Variants in CAMK4 observed in about 807,000 individuals in gnomAD.
The protein encoded by CAMK4 is calcium/calmodulin dependent protein kinase IV, also known as calcium/calmodulin-dependent protein kinase type IV.
A neutral mutation model predicts 44.9 loss-of-function variants in CAMK4; 22 were observed. The ratio of observed to expected loss-of-function variants is 0.49; its 90% confidence interval spans 0.35 to 0.70. CAMK4 has a LOEUF of 0.70. Ranked by LOEUF, CAMK4 falls within the 30% of genes least tolerant of loss-of-function variation. The probability of loss-of-function intolerance (pLI) is 0.01; values close to 1 mark genes in which losing one functional copy is unlikely to be tolerated. For missense variants in CAMK4, 498 were observed against 586.8 expected, an observed-to-expected ratio of 0.85 and a Z score of 1.56; for synonymous variants, 218 against 215.4, an observed-to-expected ratio of 1.01 and a Z score of -0.11.
intron 4 of CAMK4, among the ~76,000 whole-genome samples, chr5:111,384,714 C>G (rs892430734): frequency 7.9e-5 from 12 of 152,180 alleles, no homozygotes; most frequent in African/African-American, 2.9e-4. Flanking sequence ...GTTCCCTTTT[C>G]CCTTTCCCAG....
intron 7 of CAMK4, among the ~76,000 whole-genome samples, chr5:111,464,985 C>T (rs57598349): frequency 0.011 from 1,736 of 152,236 alleles, 28 homozygotes; most frequent in African/African-American, 0.039. Context: ...ACCAAGGAGA[C>T]AGCCCCTACT....
In CAMK4 at chr5:111,411,654, T is replaced by C. The variant is rs79841760; in HGVS notation, c.459+16872T>C. On this transcript the variant is annotated intron_variant, in intron 5 of 10. Coordinates refer to ENST00000282356, the MANE Select transcript of CAMK4 (RefSeq NM_001744.6). ...GTGGATTCTCCTTTGTGATCATCAC[T>C]ATTTACAATTAAGGTAAATGATGAT... Among the ~76,000 whole-genome samples, 1,223 of 152,248 alleles carry C rather than the reference T, an allele frequency of 8.0e-3. 14 individuals carry two copies. The highest frequency in any genetic ancestry group is 0.026 in the African/African-American group (1,074 of 41,548).
chr5:111,481,142 G>A (rs1755421163), intron 9 of CAMK4, among the ~76,000 whole-genome samples: 1 of 152,094 alleles, frequency 6.6e-6, no homozygotes, highest in South Asian at 2.1e-4. Flanking sequence ...ATTAACAATG[G>A]TGTATATAAA....
At position 111,242,041 on chromosome 5, in the gene CAMK4, G is replaced by C. The variant is rs192264859; in HGVS notation, c.161+17397G>C. Among the ~76,000 whole-genome samples, 503 of 152,264 alleles carry C rather than the reference G, an allele frequency of 3.3e-3. 2 individuals are homozygous for C. Among genetic ancestry groups the C allele is most frequent in the Non-Finnish European group, 4.8e-3 (326 of 68,016 alleles). ...AACTTCCCACTGGAAGACCACGCAG[G>C]CAACTTTGACACAGGCTATTCGAAA... On this transcript the variant is annotated intron_variant, in intron 1 of 10. Coordinates refer to ENST00000282356, the MANE Select transcript of CAMK4 (RefSeq NM_001744.6).
At chr5:111,271,589 T>A (rs1253491485) in intron 1 of CAMK4, among the ~76,000 whole-genome samples, 1 of 152,226 alleles carries the variant, frequency 6.6e-6, no homozygotes, top group East Asian at 1.9e-4. Context: ...CAGATGGATG[T>A]GAGACTGCAA....
intron 1 of CAMK4, among the ~76,000 whole-genome samples, chr5:111,308,640 A>G (rs778141808): frequency 4.6e-5 from 7 of 152,208 alleles, no homozygotes; most frequent in Non-Finnish European, 1.0e-4. Flanking sequence ...ACAGAATGTT[A>G]TTTAGAGAGG....
intron 9 of CAMK4, among the ~76,000 whole-genome samples, chr5:111,481,028 A>G (rs959459036): frequency 6.6e-6 from 1 of 152,208 alleles, no homozygotes; most frequent in Non-Finnish European, 1.5e-5. Flanking sequence ...ATTGGATGTA[A>G]GGGGTACTGC....
In CAMK4 at chr5:111,297,408, C is replaced by A. The variant is rs566169994; in HGVS notation, c.162-46616C>A. On this transcript the variant is annotated intron_variant, in intron 1 of 10. Coordinates refer to ENST00000282356, the MANE Select transcript of CAMK4 (RefSeq NM_001744.6). ...ATTAGCTCACTGCACTTCGTCAAAC[C>A]TATTTAAGAGAGATTTTAATTCACC... Among the ~76,000 whole-genome samples, 26 of 152,212 alleles carry A rather than the reference C, an allele frequency of 1.7e-4. 1 individual carries two copies. The highest frequency in any genetic ancestry group is 3.4e-3 in the Middle Eastern group (1 of 294).
chr5:111,394,876 A>G, intron 5 of CAMK4, 94 bp downstream of exon 5: 1 of 792,680 alleles, frequency 1.3e-6, no homozygotes, highest in Non-Finnish European at 2.2e-6. Flanking sequence ...GATAAGCCAT[A>G]CATTTTACAG....
chr5:111,459,938 A>G (rs771366748), intron 7 of CAMK4, among the ~76,000 whole-genome samples: 6 of 151,962 alleles, frequency 3.9e-5, no homozygotes, highest in Non-Finnish European at 7.4e-5. Flanking sequence ...AGAAGACACT[A>G]CTTCGAGAAC....
At chr5:111,257,734 A>G (rs1749802055) in intron 1 of CAMK4, among the ~76,000 whole-genome samples, 1 of 152,200 alleles carries the variant, frequency 6.6e-6, no homozygotes, top group African/African-American at 2.4e-5. Flanking sequence ...TAGCAAAGAC[A>G]TGGAATCAAC....
At chr5:111,355,495 T>TTTAA (rs1312307394) in intron 2 of CAMK4, among the ~76,000 whole-genome samples, 1 of 150,646 alleles carries the variant, frequency 6.6e-6, no homozygotes, top group Non-Finnish European at 1.5e-5. Context: ...TTTTTATTTA[T>TTTAA]TTATTTATTT....
At chr5:111,240,046 A>G (rs1376008367) in intron 1 of CAMK4, among the ~76,000 whole-genome samples, 1 of 152,214 alleles carries the variant, frequency 6.6e-6, no homozygotes, top group Non-Finnish European at 1.5e-5. Flanking sequence ...ACAAAAGGAA[A>G]GTTGGGGTAG....
At chr5:111,310,892 C>T (rs1340621573) in intron 1 of CAMK4, among the ~76,000 whole-genome samples, 2 of 152,058 alleles carry the variant, frequency 1.3e-5, no homozygotes, top group Non-Finnish European at 2.9e-5. Flanking sequence ...TGATGAGTCG[C>T]TTTAGCTGTG....
At chr5:111,295,339 G>C (rs148781300) in intron 1 of CAMK4, among the ~76,000 whole-genome samples, 236 of 152,306 alleles carry the variant, frequency 1.5e-3, no homozygotes, top group African/African-American at 5.3e-3. Flanking sequence ...TTTAGATGCA[G>C]CACCATGCTC....
At chr5:111,370,694 A>G (rs4957610) in intron 2 of CAMK4, among the ~76,000 whole-genome samples, 44,312 of 152,052 alleles carry the variant, frequency 0.29, 7,868 homozygotes, top group Non-Finnish European at 0.39. Flanking sequence ...ACATGGGTGG[A>G]TCACGAGGTC....
intron 5 of CAMK4, among the ~76,000 whole-genome samples, chr5:111,406,112 A>T (rs1752416436): frequency 1.4e-5 from 2 of 142,934 alleles, no homozygotes; most frequent in African/African-American, 5.2e-5. Flanking sequence ...ATAAGGTTTT[A>T]TCTCATTCTC....
intron 2 of CAMK4, among the ~76,000 whole-genome samples, chr5:111,362,639 T>G (rs1750638303): frequency 6.6e-6 from 1 of 152,068 alleles, no homozygotes; most frequent in African/African-American, 2.4e-5. Flanking sequence ...ATGTGTTGAT[T>G]TCCTTCTATC....
chr5:111,363,515 T>C (rs942631572), intron 2 of CAMK4, among the ~76,000 whole-genome samples: 18 of 152,026 alleles, frequency 1.2e-4, no homozygotes, highest in Admixed American at 2.0e-4. Flanking sequence ...AAGAAATAGA[T>C]GATGAATTAG....
Sources: allele counts gnomAD v4.1 joint callset (sites outside exome capture counted in the v4.1 genomes callset), GRCh38; gene constraint gnomAD v4.1.1; transcripts MANE v1.5; gene names NCBI Gene and HGNC (gene_info 2026-07-23, HGNC 2026-07-21).